The following STK26 variants were observed in gnomAD, a reference collection of about 807,000 sequenced individuals.
STK26 encodes the protein serine/threonine kinase 26.
Under a neutral mutation model 34.7 loss-of-function variants are expected in STK26, and 14 were observed. The observed-to-expected ratio is 0.40, with a 90% CI of 0.27 to 0.63. The LOEUF is 0.63. STK26 is among the 30% of genes least tolerant of loss of function. The pLI, the probability that STK26 is intolerant of heterozygous loss-of-function variation, is 0.38. For synonymous variants in STK26, 100 were observed against 109.8 expected (o/e 0.91, Z 0.56); for missense variants, 226 against 309.1 (o/e 0.73, Z 2.02).
intron 3 of STK26, among the ~76,000 whole-genome samples, chrX:132,055,889 C>T: frequency 8.9e-6 from 1 of 112,185 alleles, no homozygotes; most frequent in Non-Finnish European, 1.9e-5. Context: ...TACGAAATAA[C>T]CTGTCTTCAA....
At chrX:132,066,113 A>G (rs1200138335) in intron 4 of STK26, among the ~76,000 whole-genome samples, 3 of 112,023 alleles carry the variant, frequency 2.7e-5, no homozygotes, top group Non-Finnish European at 3.8e-5. Context: ...CATTTATGTT[A>G]ACATTATACA....
At chrX:132,030,144 T>G (rs765116047) in intron 2 of STK26, among the ~76,000 whole-genome samples, 7 of 112,107 alleles carry the variant, frequency 6.2e-5, no homozygotes, top group Non-Finnish European at 1.3e-4. Flanking sequence ...TTTCATGTAT[T>G]ATGTATAATA....
intron 8 of STK26, 80 bp from the exon 9 acceptor site, chrX:132,072,188 T>G: frequency 2.6e-6 from 2 of 756,997 alleles, no homozygotes; most frequent in East Asian, 3.3e-5. Flanking sequence ...TCCCTTTAGA[T>G]TCTACCTGCA....
At chrX:132,041,851 G>C (rs1926278580) in intron 2 of STK26, among the ~76,000 whole-genome samples, 1 of 111,034 alleles carries the variant, frequency 9.0e-6, no homozygotes, top group Admixed American at 9.6e-5. Context: ...TTTCTAAATA[G>C]ACAAGGACTA....
At chrX:132,060,931 A>C (rs1046886774) in intron 3 of STK26, among the ~76,000 whole-genome samples, 3 of 111,593 alleles carry the variant, frequency 2.7e-5, no homozygotes, top group Admixed American at 9.5e-5. Flanking sequence ...TGATTTCCAG[A>C]ACAAATAAGG....
intron 4 of STK26, among the ~76,000 whole-genome samples, chrX:132,066,359 T>G (rs1215792416): frequency 2.7e-5 from 3 of 112,019 alleles, no homozygotes; most frequent in African/African-American, 9.7e-5. Flanking sequence ...CAGACTGCAT[T>G]AGGGACTGGC....
chrX:132,023,708 C>A (rs766421365), intron 2 of STK26, 49 bp downstream of exon 2: 4 of 1,153,361 alleles, frequency 3.5e-6, no homozygotes, highest in Non-Finnish European at 4.6e-6. Context: ...GCTTGGGAGC[C>A]CGGTGCGCCC....
intron 3 of STK26, 95 bp from the exon 4 acceptor site, chrX:132,063,338 A>G: frequency 5.3e-6 from 4 of 761,476 alleles, no homozygotes; most frequent in Non-Finnish European, 1.9e-6. Flanking sequence ...ACATGCAAAT[A>G]GAATCTGTGC....
At chrX:132,069,283 T>C (rs1602779132) in intron 6 of STK26, among the ~76,000 whole-genome samples, 195 bp from the exon 7 acceptor site, 3 of 105,841 alleles carry the variant, frequency 2.8e-5, no homozygotes, top group Non-Finnish European at 5.8e-5. Context: ...ATAAATGAAT[T>C]CTACTAATAA....
intron 3 of STK26, among the ~76,000 whole-genome samples, chrX:132,058,431 C>T (rs954841788): frequency 8.1e-5 from 9 of 111,225 alleles, no homozygotes; most frequent in Non-Finnish European, 1.1e-4. Context: ...ATATTAAATA[C>T]GCCCTATTTA....
intron 2 of STK26, among the ~76,000 whole-genome samples, chrX:132,033,608 G>A (rs1925921961): frequency 8.9e-6 from 1 of 111,850 alleles, no homozygotes; most frequent in Admixed American, 9.5e-5. Flanking sequence ...TCAGTAAATG[G>A]TAATACATTG....
At chrX:132,049,601 T>G (rs1338298444) in intron 2 of STK26, among the ~76,000 whole-genome samples, 2 of 112,053 alleles carry the variant, frequency 1.8e-5, no homozygotes, top group Non-Finnish European at 3.8e-5. Context: ...TAGGCTGAAG[T>G]TTTTAGTTGC....
At position 132,069,408 on chromosome X, in the gene STK26, CACATATATATATAT is replaced by C. The variant is rs1281894816; in HGVS notation, c.598-68_598-55del. On this transcript the variant is annotated intron_variant, in intron 6 of 11. Transcript: ENST00000394334. ...AGTTTCAAGGTGATATACATACATA[CACATATATATATAT>C]ATATATATATATATATATATATATA... The C allele has an allele frequency of 1.1e-3, 136 of 124,322 alleles. No homozygotes were observed. In the African/African-American group the frequency reaches 0.011, roughly 10 times the overall value. 10.2% of individuals were successfully genotyped at this position (124,322 alleles called of 1,213,427 possible).
chrX:132,033,553 C>T (rs1171973843), intron 2 of STK26, among the ~76,000 whole-genome samples: 1 of 112,008 alleles, frequency 8.9e-6, no homozygotes, highest in African/African-American at 3.2e-5. Context: ...AGTTTTAGTT[C>T]AAATCCTTTG....
intron 2 of STK26, among the ~76,000 whole-genome samples, chrX:132,031,651 G>A (rs1336650352): frequency 8.9e-6 from 1 of 112,070 alleles, no homozygotes; most frequent in Non-Finnish European, 1.9e-5. Flanking sequence ...CAGCTGAATA[G>A]TACTGTCTTG....
intron 2 of STK26, among the ~76,000 whole-genome samples, chrX:132,049,297 T>C (rs1049119034): frequency 8.9e-6 from 1 of 111,765 alleles, no homozygotes; most frequent in African/African-American, 3.3e-5. Flanking sequence ...CTAAATCTCC[T>C]TTTTTTTAAA....
chrX:132,038,563 T>C (rs1395669763), intron 2 of STK26, among the ~76,000 whole-genome samples: 1 of 111,147 alleles, frequency 9.0e-6, no homozygotes, highest in African/African-American at 3.3e-5. Flanking sequence ...TCATTTTGGG[T>C]GGCCTTTTTT....
intron 3 of STK26, among the ~76,000 whole-genome samples, chrX:132,060,167 C>T (rs979178633): frequency 6.2e-5 from 7 of 112,176 alleles, no homozygotes; most frequent in Non-Finnish European, 1.1e-4. Flanking sequence ...CTGACAACTT[C>T]TAAACTGATG....
At chrX:132,057,471 T>C (rs1386200699) in intron 3 of STK26, among the ~76,000 whole-genome samples, 1 of 111,309 alleles carries the variant, frequency 9.0e-6, no homozygotes, top group Non-Finnish European at 1.9e-5. Context: ...TCTTTTTTGC[T>C]CCACTGTGTT....
Sources: gnomAD v4.1 joint callset for allele counts (sites outside exome capture counted in the v4.1 genomes callset) on GRCh38, gnomAD v4.1.1 for gene constraint, MANE v1.5 for transcripts, NCBI Gene and HGNC (gene_info 2026-07-23, HGNC 2026-07-21) for gene names.